PTPRM: variants seen among roughly 807,000 people sequenced by gnomAD.
The protein encoded by PTPRM is receptor-type tyrosine-protein phosphatase mu.
PTPRM carries 47 observed loss-of-function variants against 186.7 expected under a neutral mutation model. The observed-to-expected ratio is 0.25, with a 90% CI of 0.20 to 0.32. The LOEUF (loss-of-function observed/expected upper bound fraction) is 0.32, where lower values mean the gene tolerates loss of function less well. PTPRM is among the 10% of genes least tolerant of loss of function. The pLI is 1.00. For missense variants in PTPRM, 1,494 were observed against 1,865.0 expected (o/e 0.80, Z 3.66); for synonymous variants, 668 against 674.9 (o/e 0.99, Z 0.16).
intron 11 of PTPRM, among the ~76,000 whole-genome samples, chr18:8,102,983 G>A (rs557317465): frequency 1.3e-5 from 2 of 152,332 alleles, no homozygotes; most frequent in Admixed American, 1.3e-4. Flanking sequence ...GAGCTCATGG[G>A]TGATCAAGTG....
intron 14 of PTPRM, among the ~76,000 whole-genome samples, chr18:8,179,801 T>C (rs2093548339): frequency 6.6e-6 from 1 of 152,220 alleles, no homozygotes; most frequent in African/African-American, 2.4e-5. Context: ...CCAGTCATTT[T>C]ACTTTAGGAC....
chr18:8,369,638 G>T (rs1174752804), intron 23 of PTPRM, among the ~76,000 whole-genome samples: 1 of 152,232 alleles, frequency 6.6e-6, no homozygotes, highest in African/African-American at 2.4e-5. Context: ...TCCAAGGGAA[G>T]ATGCTCACAG....
intron 7 of PTPRM, among the ~76,000 whole-genome samples, chr18:7,984,596 T>TAC (rs1468373372): frequency 0.031 from 3,658 of 117,768 alleles, 57 homozygotes; most frequent in Middle Eastern, 0.1. Context: ...TATATATATA[T>TAC]ATATATACAC....
chr18:8,319,337 G>C (rs1893226), intron 22 of PTPRM, 123 bp downstream of exon 22: 13,040 of 640,150 alleles, frequency 0.02, 673 homozygotes, highest in Admixed American at 0.17. Context: ...GCCATCGGCA[G>C]GTACACTCTT....
rs147389500 is a variant in PTPRM at position 7,763,155 on chromosome 18, T to C, written c.74-10994T>C. On this transcript the variant is annotated intron_variant, in intron 1 of 32. Transcript: ENST00000580170. Reference sequence around the variant, plus strand: ...ACCCCCTTGTCATTGGATTGCTGTTTATGCATTTGAGCATAGGATTAGATT... The same window carrying C: ...ACCCCCTTGTCATTGGATTGCTGTTCATGCATTTGAGCATAGGATTAGATT... 1.2e-3 allele frequency among the ~76,000 whole-genome samples: 184 copies of C among 152,330 alleles called. 2 individuals carry two copies. Among genetic ancestry groups the C allele is most frequent in the African/African-American group, 4.1e-3 (170 of 41,578 alleles).
intron 1 of PTPRM, among the ~76,000 whole-genome samples, chr18:7,769,082 C>G (rs185487478): frequency 7.9e-5 from 12 of 152,214 alleles, no homozygotes; most frequent in Admixed American, 3.9e-4. Context: ...CCTCATTGCT[C>G]TGTTCTGAGG....
At chr18:7,811,818 A>G (rs555368521) in intron 2 of PTPRM, among the ~76,000 whole-genome samples, 1 of 152,278 alleles carries the variant, frequency 6.6e-6, no homozygotes, top group South Asian at 2.1e-4. Context: ...TTGTTGGGCA[A>G]TTATAATCTA....
chr18:7,972,568 GAAAAAATATACATATTA>G (rs931402000), intron 7 of PTPRM, among the ~76,000 whole-genome samples: 3 of 131,688 alleles, frequency 2.3e-5, no homozygotes, highest in Non-Finnish European at 4.7e-5. Flanking sequence ...ATTAACATTT[GAAAAAATATACATATTA>G]AAATATATTT....
At chr18:7,850,009 G>A (rs1461437476) in intron 2 of PTPRM, among the ~76,000 whole-genome samples, 1 of 152,100 alleles carries the variant, frequency 6.6e-6, no homozygotes, top group African/African-American at 2.4e-5. Context: ...CTATGACATT[G>A]GTAGTAAAAC....
chr18:7,961,916 AT>A (rs2053709039), intron 7 of PTPRM, among the ~76,000 whole-genome samples: 1 of 152,228 alleles, frequency 6.6e-6, no homozygotes, highest in Admixed American at 6.5e-5. Context: ...CATAACTATA[AT>A]AAAAACTTGG....
intron 11 of PTPRM, among the ~76,000 whole-genome samples, chr18:8,111,666 A>G (rs2091762190): frequency 6.6e-6 from 1 of 152,208 alleles, no homozygotes. Flanking sequence ...GAAAATAATT[A>G]TTCTTACGGT....
Position 8,143,659 on chromosome 18 carries a change from C to T in PTPRM, c.2180C>T (p.Pro727Leu), listed in dbSNP as rs560297021. Reference sequence around the variant, plus strand: ...CTTTCATCTTCAGGAGCTGCCACTCCGAAACCAGTCCCAGAACCCGAGAAA... The same window carrying T: ...CTTTCATCTTCAGGAGCTGCCACTCTGAAACCAGTCCCAGAACCCGAGAAA... ...VQVATKGAAT[P>L]KPVPEPEKQT... The change falls in exon 14 of 33, where the codon CCG becomes CTG. Residue 727 changes from proline to leucine, a missense_variant. Coordinates refer to ENST00000580170, the MANE Select transcript of PTPRM (RefSeq NM_001105244.2). 39 of 1,600,414 alleles carry T rather than the reference C, an allele frequency of 2.4e-5. 1 individual carries two copies. Among genetic ancestry groups the T allele is most frequent in the South Asian group, 5.5e-5 (5 of 90,806 alleles).
intron 14 of PTPRM, among the ~76,000 whole-genome samples, chr18:8,194,614 G>A (rs2093751463): frequency 1.3e-5 from 2 of 152,208 alleles, no homozygotes; most frequent in South Asian, 2.1e-4. Flanking sequence ...TTTGTTGTGA[G>A]TGCAGTATCA....
At chr18:7,993,705 T>A (rs942719924) in intron 7 of PTPRM, among the ~76,000 whole-genome samples, 1 of 152,126 alleles carries the variant, frequency 6.6e-6, no homozygotes. Context: ...ACCACTAGAC[T>A]GACTATATGA....
At chr18:7,658,351 T>TATATATATATATATAC (rs1296978439) in intron 1 of PTPRM, among the ~76,000 whole-genome samples, 1 of 133,830 alleles carries the variant, frequency 7.5e-6, no homozygotes, top group African/African-American at 3.1e-5. Flanking sequence ...TATATATATA[T>TATATATATATATATAC]ATATATATAC....
chr18:8,318,442 G>A (rs2095325120), intron 21 of PTPRM, among the ~76,000 whole-genome samples: 1 of 151,732 alleles, frequency 6.6e-6, no homozygotes, highest in African/African-American at 2.4e-5. Flanking sequence ...GACTACAGGT[G>A]CATGCCACCA....
In PTPRM at chr18:7,668,029, G is replaced by A. The variant is rs115457222; in HGVS notation, c.73+100138G>A. ...TACGTGCCACAAGTTCTGAGTAAAT[G>A]TGGAATCAGGTTGGAAGTCCCAGGG... On this transcript the variant is annotated intron_variant, in intron 1 of 32. Transcript: ENST00000580170. This position sits in a 1 kb window ranked among gnomAD's most constrained non-coding sequence, Gnocchi z 4.7. Among the ~76,000 whole-genome samples, 1,538 of 152,232 alleles carry A rather than the reference G, an allele frequency of 0.01. 29 individuals carry two copies. The highest frequency in any genetic ancestry group is 0.036 in the African/African-American group (1,478 of 41,534).
chr18:7,759,172 G>C (rs1486254417), intron 1 of PTPRM, among the ~76,000 whole-genome samples: 6 of 152,206 alleles, frequency 3.9e-5, no homozygotes. Context: ...TATTTCTTAA[G>C]TCCAGTCAAT....
intron 5 of PTPRM, among the ~76,000 whole-genome samples, chr18:7,930,643 C>T (rs1028741350): frequency 2.6e-5 from 4 of 152,270 alleles, no homozygotes; most frequent in East Asian, 1.9e-4. Flanking sequence ...TATGCACTTA[C>T]GCTTTGATAG....
Sources: gnomAD v4.1 joint callset for allele counts (sites outside exome capture counted in the v4.1 genomes callset) on GRCh38, gnomAD v4.1.1 for gene constraint, Gnocchi (gnomAD v3.1) non-coding constraint, MANE v1.5 for transcripts, NCBI Gene and HGNC (gene_info 2026-07-23, HGNC 2026-07-21) for gene names.